WDPCP: variants seen among roughly 807,000 people sequenced by gnomAD.
WDPCP encodes the protein WD repeat containing planar cell polarity effector.
WDPCP carries 71 observed loss-of-function variants against 93.1 expected under a neutral mutation model. The observed-to-expected ratio is 0.76, with a 90% CI of 0.63 to 0.93. WDPCP has a LOEUF of 0.93. Among genes scored for constraint, WDPCP ranks in the 40% least tolerant of loss-of-function variants. The pLI, the probability that WDPCP is intolerant of heterozygous loss-of-function variation, is 0.00. For missense variants in WDPCP, 844 were observed against 887.4 expected, an observed-to-expected ratio of 0.95 and a Z score of 0.62; for synonymous variants, 315 against 315.0, an observed-to-expected ratio of 1.00 and a Z score of 0.00.
chr2:63,149,989 A>G (rs1474295570), intron 17 of WDPCP, among the ~76,000 whole-genome samples: 4 of 152,020 alleles, frequency 2.6e-5, no homozygotes, highest in African/African-American at 9.7e-5. Context: ...TGACAGAGTG[A>G]GACTCTTTCT....
chr2:63,305,021 C>T (rs549907067), intron 13 of WDPCP, among the ~76,000 whole-genome samples: 42 of 152,218 alleles, frequency 2.8e-4, no homozygotes, highest in African/African-American at 7.7e-4. Context: ...TCAGCAAAGC[C>T]GCGGTAGCCA....
intron 10 of WDPCP, among the ~76,000 whole-genome samples, chr2:63,384,608 AG>A (rs1438557194): frequency 6.6e-6 from 1 of 152,092 alleles, no homozygotes; most frequent in Non-Finnish European, 1.5e-5. Context: ...TAATAAAGCC[AG>A]GAACAGTGGC....
chr2:63,714,824 G>A lies in WDPCP; in HGVS notation n.309-63986C>T, dbSNP rs567893362. ...AGCCTGGGTGAGAGAGTGAGACTCC[G>A]TCTCAAAACAAACAAACAAACAACA... is the stretch of plus-strand genomic sequence containing the variant. On this transcript the variant is annotated intron_variant and non_coding_transcript_variant, in intron 2 of 4. Coordinates refer to the WDPCP transcript ENST00000467687. Among the ~76,000 whole-genome samples, 103 of 152,252 alleles carry A rather than the reference G, an allele frequency of 6.8e-4. 1 individual carries two copies. Among genetic ancestry groups the A allele is most frequent in the African/African-American group, 2.2e-3 (92 of 41,544 alleles).
At chr2:63,341,227 C>G (rs781070986) in intron 12 of WDPCP, among the ~76,000 whole-genome samples, 17 of 152,170 alleles carry the variant, frequency 1.1e-4, no homozygotes, top group Non-Finnish European at 2.5e-4. Flanking sequence ...CTCCCAGGTT[C>G]AAGTGATTCT....
intron 1 of WDPCP, among the ~76,000 whole-genome samples, chr2:63,537,878 T>C (rs1704417268): frequency 1.3e-5 from 2 of 152,352 alleles, no homozygotes; most frequent in South Asian, 4.1e-4. Context: ...TACTATTTTA[T>C]ACCCAGGTTC....
rs1694399440 is a variant in WDPCP at position 63,404,411 on chromosome 2, C to T, written c.1072G>A (p.Asp358Asn). ...TEDKLILGCEDSSLILYETHR... is the reference protein window; with the variant it reads ...TEDKLILGCENSSLILYETHR... ...GTTTCATAAAGAATTAGCGAAGAAT[C>T]TTCACAGCCCAGAATCAGTTTGTCT... The change falls in exon 10 of 18, where the codon GAT becomes AAT. Residue 358 changes from aspartate to asparagine, a missense_variant. By Grantham distance (23) the Asp-to-Asn change is conservative. Transcript: ENST00000272321. The T allele has an allele frequency of 6.2e-7, 1 of 1,614,194 alleles. No homozygotes were observed. Among genetic ancestry groups the T allele is most frequent in the Non-Finnish European group, 8.5e-7 (1 of 1,180,018 alleles).
chr2:63,402,827 G>A (rs1253117113), intron 10 of WDPCP, among the ~76,000 whole-genome samples: 1 of 152,220 alleles, frequency 6.6e-6, no homozygotes, highest in African/African-American at 2.4e-5. Context: ...GCACTGTGAG[G>A]GGGGAGTGTA....
chr2:63,654,645 A>AC (rs987322844), intron 2 of WDPCP, among the ~76,000 whole-genome samples: 21 of 151,978 alleles, frequency 1.4e-4, no homozygotes, highest in African/African-American at 5.1e-4. Flanking sequence ...TGGTTCCAGG[A>AC]CCCCCCAGGG....
At chr2:63,798,372 T>A (rs1490594931) in intron 2 of WDPCP, among the ~76,000 whole-genome samples, 4 of 152,076 alleles carry the variant, frequency 2.6e-5, no homozygotes, top group African/African-American at 4.8e-5. Flanking sequence ...TTTCAAGACA[T>A]AGTATGATAA....
intron 2 of WDPCP, chr2:63,717,316 G>C (rs957001234): frequency 1.5e-5 from 8 of 525,310 alleles, no homozygotes; most frequent in Non-Finnish European, 2.6e-5. Context: ...CCAAATCACT[G>C]TGAACATGAA....
intron 9 of WDPCP, among the ~76,000 whole-genome samples, chr2:63,410,943 A>AG (rs1219614968): frequency 6.6e-6 from 1 of 152,150 alleles, no homozygotes; most frequent in African/African-American, 2.4e-5. Context: ...ACAATAATAG[A>AG]GGGGGACTTC....
intron 3 of WDPCP, chr2:63,599,164 T>C: frequency 6.2e-7 from 1 of 1,613,162 alleles, no homozygotes; most frequent in East Asian, 2.2e-5. Context: ...CTTCCATTCC[T>C]CCTAGGTTAT....
At chr2:63,190,378 A>G (rs1674952981) in intron 14 of WDPCP, among the ~76,000 whole-genome samples, 1 of 148,588 alleles carries the variant, frequency 6.7e-6, no homozygotes, top group African/African-American at 2.5e-5. Flanking sequence ...GGCTGCAGTG[A>G]GCCGTGATCA....
intron 9 of WDPCP, among the ~76,000 whole-genome samples, chr2:63,421,413 A>G (rs1289937788): frequency 6.6e-6 from 1 of 152,324 alleles, no homozygotes; most frequent in South Asian, 2.1e-4. Context: ...AAACAGGCAA[A>G]TAGATCAATG....
At chr2:63,328,302 G>A (rs1192240285) in intron 12 of WDPCP, among the ~76,000 whole-genome samples, 1 of 151,718 alleles carries the variant, frequency 6.6e-6, no homozygotes, top group Non-Finnish European at 1.5e-5. Flanking sequence ...AACCTGCTCG[G>A]GTCCCCTTCC....
intron 17 of WDPCP, among the ~76,000 whole-genome samples, chr2:63,126,666 G>GT (rs763749429): frequency 0.19 from 18,977 of 97,994 alleles, 1,884 homozygotes; most frequent in Middle Eastern, 0.26. Context: ...CTTGTTTTGT[G>GT]TTTTTTTTTT....
chr2:63,145,313 C>T (rs1671408714), intron 17 of WDPCP, among the ~76,000 whole-genome samples: 1 of 151,312 alleles, frequency 6.6e-6, no homozygotes, highest in Non-Finnish European at 1.5e-5. Flanking sequence ...GGGGCCCTGG[C>T]ACTCCGAAGA....
At chr2:63,305,146 G>A (rs1685631600) in intron 13 of WDPCP, among the ~76,000 whole-genome samples, 1 of 152,122 alleles carries the variant, frequency 6.6e-6, no homozygotes, top group Non-Finnish European at 1.5e-5. Context: ...AGCACCTGGG[G>A]GAAAGGGCGA....
At chr2:63,812,346 G>C (rs1670875249) in intron 2 of WDPCP, among the ~76,000 whole-genome samples, 1 of 152,116 alleles carries the variant, frequency 6.6e-6, no homozygotes, top group South Asian at 2.1e-4. Flanking sequence ...CCATGTCTTT[G>C]CTATTATGAA....
Sources: gnomAD v4.1 joint callset for allele counts (sites outside exome capture counted in the v4.1 genomes callset) on GRCh38, gnomAD v4.1.1 for gene constraint, MANE v1.5 for transcripts, NCBI Gene and HGNC (gene_info 2026-07-23, HGNC 2026-07-21) for gene names.